The following WWOX variants were observed in gnomAD, a reference collection of about 807,000 sequenced individuals.
WWOX encodes the protein WW domain-containing oxidoreductase.
In WWOX, 69 loss-of-function variants were observed where a neutral mutation model predicts 46.2. That is an observed-to-expected ratio of 1.49 (90% CI 1.23 to 1.82). The LOEUF (loss-of-function observed/expected upper bound fraction) is 1.82, where lower values mean the gene tolerates loss of function less well. WWOX is among the 40% of genes most tolerant of loss of function. The pLI is 0.00. For missense variants in WWOX, 919 were observed against 542.6 expected (o/e 1.69, Z -6.89); for synonymous variants, 359 against 202.6 (o/e 1.77, Z -6.56).
intron 8 of WWOX, chr16:78,503,765 A>C (rs892690302): frequency 6.6e-6 from 1 of 152,200 alleles, no homozygotes; most frequent in African/African-American, 2.4e-5. Flanking sequence ...AAGGCCTGCG[A>C]GTATTTCTGA....
At chr16:78,305,577 T>A (rs1440485793) in intron 5 of WWOX, among the ~76,000 whole-genome samples, 1 of 151,840 alleles carries the variant, frequency 6.6e-6, no homozygotes, top group East Asian at 1.9e-4. Flanking sequence ...CCCGTTCCAG[T>A]CATCTTGAAA....
At chr16:78,322,136 C>G (rs937080732) in intron 5 of WWOX, among the ~76,000 whole-genome samples, 7 of 152,080 alleles carry the variant, frequency 4.6e-5, no homozygotes, top group Non-Finnish European at 1.0e-4. Flanking sequence ...TTACTTCTCA[C>G]TTGCCCTGCC....
At chr16:79,008,952 C>G (rs2047245951) in intron 8 of WWOX, among the ~76,000 whole-genome samples, 2 of 152,212 alleles carry the variant, frequency 1.3e-5, no homozygotes, top group African/African-American at 4.8e-5. Flanking sequence ...GATGCCTTGG[C>G]CAGGTATTGA....
chr16:78,835,383 C>G (rs150144653), intron 8 of WWOX, among the ~76,000 whole-genome samples: 1 of 152,112 alleles, frequency 6.6e-6, no homozygotes, highest in African/African-American at 2.4e-5. Context: ...TGGTCAAATC[C>G]TCTTAAAGGG....
At chr16:78,605,904 C>G (rs939032119) in intron 8 of WWOX, among the ~76,000 whole-genome samples, 1 of 152,156 alleles carries the variant, frequency 6.6e-6, no homozygotes, top group Non-Finnish European at 1.5e-5. Context: ...GTTCAAATAC[C>G]TCTTGCATGG....
At chr16:78,965,560 C>T (rs559399418) in intron 8 of WWOX, among the ~76,000 whole-genome samples, 3 of 146,158 alleles carry the variant, frequency 2.1e-5, no homozygotes, top group Admixed American at 6.9e-5. Flanking sequence ...ACGAGCAAAA[C>T]TCCATCTTAA....
chr16:78,740,985 A>G (rs1452357643), intron 8 of WWOX, among the ~76,000 whole-genome samples: 1 of 152,174 alleles, frequency 6.6e-6, no homozygotes, highest in Non-Finnish European at 1.5e-5. Context: ...CTTCTCTTAC[A>G]GGCCATGGGT....
At chr16:79,012,389 C>T (rs544867454) in intron 8 of WWOX, among the ~76,000 whole-genome samples, 84 of 152,242 alleles carry the variant, frequency 5.5e-4, no homozygotes, top group Middle Eastern at 3.4e-3. Context: ...TCTGCCACCA[C>T]GCCCAGCTAA....
At chr16:78,899,613 A>G (rs758346235) in intron 8 of WWOX, 8 of 152,186 alleles carry the variant, frequency 5.3e-5, no homozygotes, top group Non-Finnish European at 1.0e-4. Flanking sequence ...CACATCCGCC[A>G]TTGTCAATTT....
At chr16:78,389,002 G>C (rs566673456) in intron 6 of WWOX, among the ~76,000 whole-genome samples, 1 of 151,312 alleles carries the variant, frequency 6.6e-6, no homozygotes, top group Non-Finnish European at 1.5e-5. Context: ...TCAGGCTCTT[G>C]CTGGAGTATG....
At chr16:78,831,084 G>C (rs75689059) in intron 8 of WWOX, among the ~76,000 whole-genome samples, 9,892 of 152,238 alleles carry the variant, frequency 0.065, 399 homozygotes, top group Non-Finnish European at 0.083. Flanking sequence ...AAGGGACTGC[G>C]TTCCTAGCCC....
intron 8 of WWOX, among the ~76,000 whole-genome samples, chr16:79,023,852 A>C (rs147686532): frequency 6.6e-6 from 1 of 151,912 alleles, no homozygotes; most frequent in Non-Finnish European, 1.5e-5. Flanking sequence ...GCTACTCGGG[A>C]GGCTGAGGCA....
intron 8 of WWOX, among the ~76,000 whole-genome samples, chr16:78,889,381 C>T (rs1042626147): frequency 2.6e-5 from 3 of 117,012 alleles, no homozygotes; most frequent in Admixed American, 1.2e-4. Flanking sequence ...TATGGATCAG[C>T]AGCCTAAACC....
At chr16:79,003,370 T>A (rs919654093) in intron 8 of WWOX, among the ~76,000 whole-genome samples, 2 of 152,296 alleles carry the variant, frequency 1.3e-5, no homozygotes, top group African/African-American at 4.8e-5. Flanking sequence ...ACAGAACATA[T>A]ATGGTTTCAT....
intron 8 of WWOX, among the ~76,000 whole-genome samples, chr16:78,559,363 C>G (rs1056501584): frequency 6.6e-6 from 1 of 152,128 alleles, no homozygotes; most frequent in Non-Finnish European, 1.5e-5. Flanking sequence ...ATCATGGAGG[C>G]CAGAGCCAGG....
At position 78,866,264 on chromosome 16, in the gene WWOX, G is replaced by A. The variant is rs188707046; in HGVS notation, c.1057-345344G>A. Among the ~76,000 whole-genome samples the A allele has an allele frequency of 9.2e-5, 14 of 152,100 alleles. No individual in the cohort carries two copies. In the East Asian group the frequency reaches 2.5e-3, roughly 27 times the overall value. ...CCCGCAGTTTCATGAATGCCTCGCT[G>A]TGCCACCAGGATTTTCTTGGAGGGA... On this transcript the variant is annotated intron_variant, in intron 8 of 8. Coordinates refer to ENST00000566780, the MANE Select transcript of WWOX (RefSeq NM_016373.4).
chr16:78,573,784 T>G (rs114628387), intron 8 of WWOX, among the ~76,000 whole-genome samples: 3,136 of 152,354 alleles, frequency 0.021, 115 homozygotes, highest in African/African-American at 0.072. Context: ...CGATCTCCAC[T>G]TGAACACACT....
intron 8 of WWOX, among the ~76,000 whole-genome samples, chr16:78,448,984 A>G (rs142806023): frequency 6.6e-6 from 1 of 152,290 alleles, no homozygotes; most frequent in African/African-American, 2.4e-5. Context: ...GGAACTTTTT[A>G]TCACAGGTGT....
intron 8 of WWOX, among the ~76,000 whole-genome samples, chr16:78,811,053 G>C (rs941267723): frequency 7.9e-5 from 12 of 152,202 alleles, no homozygotes; most frequent in Non-Finnish European, 1.3e-4. Flanking sequence ...AAAGGGAAGG[G>C]ACAGGAAAGC....
Sources: gnomAD v4.1 joint callset for allele counts (sites outside exome capture counted in the v4.1 genomes callset) on GRCh38, gnomAD v4.1.1 for gene constraint, MANE v1.5 for transcripts, NCBI Gene and HGNC (gene_info 2026-07-23, HGNC 2026-07-21) for gene names.